CNTN4: variants seen among roughly 807,000 people sequenced by gnomAD.
The protein encoded by CNTN4 is contactin-4.
Under a neutral mutation model 122.5 loss-of-function variants are expected in CNTN4, and 77 were observed. The ratio of observed to expected loss-of-function variants is 0.63; its 90% CI spans 0.52 to 0.76. The LOEUF (loss-of-function observed/expected upper bound fraction) is 0.76, where lower values mean the gene tolerates loss of function less well. Among genes scored for constraint, CNTN4 ranks in the 30% least tolerant of loss-of-function variants. The pLI is 0.00. For missense variants in CNTN4, 1,256 were observed against 1,259.1 expected, an observed-to-expected ratio of 1.00 and a Z score of 0.04; for synonymous variants, 512 against 447.0, an observed-to-expected ratio of 1.15 and a Z score of -1.83.
intron 14 of CNTN4, among the ~76,000 whole-genome samples, chr3:3,025,313 A>G (rs1698635900): frequency 6.6e-6 from 1 of 152,212 alleles, no homozygotes; most frequent in Non-Finnish European, 1.5e-5. Context: ...GATGTTCATT[A>G]CAGCATTATT....
intron 4 of CNTN4, among the ~76,000 whole-genome samples, chr3:2,616,081 T>C (rs1298645281): frequency 6.6e-6 from 1 of 151,382 alleles, no homozygotes. Context: ...GTTTGTTACA[T>C]AGGTATATGT....
At chr3:2,935,073 C>T (rs950753241) in intron 13 of CNTN4, among the ~76,000 whole-genome samples, 1 of 151,022 alleles carries the variant, frequency 6.6e-6, no homozygotes, top group African/African-American at 2.5e-5. Context: ...AATCCACAGG[C>T]CCAGTCCTCT....
At chr3:2,939,314 T>A (rs993148710) in intron 13 of CNTN4, among the ~76,000 whole-genome samples, 13 of 152,078 alleles carry the variant, frequency 8.5e-5, no homozygotes, top group African/African-American at 3.1e-4. Context: ...GGTTGCCTGA[T>A]GAGAAATCCA....
intron 2 of CNTN4, among the ~76,000 whole-genome samples, chr3:2,185,340 A>G (rs370972234): frequency 6.6e-6 from 1 of 152,082 alleles, no homozygotes; most frequent in Non-Finnish European, 1.5e-5. Flanking sequence ...CTAGTGTGTA[A>G]AGTCCCCAAC....
At chr3:2,600,723 G>A (rs2081005193) in intron 4 of CNTN4, among the ~76,000 whole-genome samples, 1 of 152,132 alleles carries the variant, frequency 6.6e-6, no homozygotes, top group Admixed American at 6.5e-5. Context: ...CCCAGTAATG[G>A]GATGGCTGGG....
intron 6 of CNTN4, among the ~76,000 whole-genome samples, chr3:2,800,160 A>T (rs2092313719): frequency 6.7e-6 from 1 of 149,480 alleles, no homozygotes; most frequent in African/African-American, 2.5e-5. Flanking sequence ...TAATTTTAAG[A>T]TTTAAAAAAA....
At chr3:2,334,037 A>G (rs2043841905) in intron 2 of CNTN4, among the ~76,000 whole-genome samples, 1 of 152,224 alleles carries the variant, frequency 6.6e-6, no homozygotes, top group Admixed American at 6.5e-5. Context: ...GAATACGGAC[A>G]GTTGTTAAAT....
chr3:2,113,234 A>T (rs906093954), intron 2 of CNTN4, among the ~76,000 whole-genome samples: 5 of 152,094 alleles, frequency 3.3e-5, no homozygotes, highest in African/African-American at 1.2e-4. Context: ...ATCAATAGGG[A>T]CTATTTGAGT....
intron 8 of CNTN4, among the ~76,000 whole-genome samples, chr3:2,868,307 A>G (rs1254459623): frequency 6.6e-6 from 1 of 152,180 alleles, no homozygotes; most frequent in Non-Finnish European, 1.5e-5. Context: ...TAATGGCTCC[A>G]AGATTTCCAC....
At chr3:2,211,546 C>T (rs1349959406) in intron 2 of CNTN4, among the ~76,000 whole-genome samples, 2 of 151,966 alleles carry the variant, frequency 1.3e-5, no homozygotes, top group African/African-American at 4.8e-5. Context: ...ATAATAAACC[C>T]CTTTTAAAAA....
At chr3:2,372,475 A>T (rs894933849) in intron 3 of CNTN4, among the ~76,000 whole-genome samples, 1 of 152,222 alleles carries the variant, frequency 6.6e-6, no homozygotes, top group Non-Finnish European at 1.5e-5. Context: ...CCATATGGGA[A>T]GTATACACAT....
chr3:2,969,484 TG>T (rs1163168554), intron 13 of CNTN4, among the ~76,000 whole-genome samples: 1 of 151,242 alleles, frequency 6.6e-6, no homozygotes, highest in Admixed American at 6.6e-5. Context: ...GGTCTGAAAG[TG>T]GGGAGACATG....
At chr3:2,124,468 AC>A (rs2034006645) in intron 2 of CNTN4, among the ~76,000 whole-genome samples, 1 of 147,316 alleles carries the variant, frequency 6.8e-6, no homozygotes, top group African/African-American at 2.5e-5. Flanking sequence ...ACACACACAC[AC>A]ACACCCCCTT....
intron 4 of CNTN4, among the ~76,000 whole-genome samples, chr3:2,671,826 C>G (rs927547145): frequency 6.6e-6 from 1 of 152,204 alleles, no homozygotes; most frequent in African/African-American, 2.4e-5. Flanking sequence ...AGCAAGGACC[C>G]TCAGCTGCAG....
chr3:2,129,236 G>T (rs1574897041), intron 2 of CNTN4, among the ~76,000 whole-genome samples: 1 of 105,166 alleles, frequency 9.5e-6, no homozygotes, highest in East Asian at 3.1e-4. Context: ...AGATCCCATA[G>T]AACATTGCAA....
At chr3:2,871,169 C>T (rs2093779947) in intron 8 of CNTN4, among the ~76,000 whole-genome samples, 1 of 152,146 alleles carries the variant, frequency 6.6e-6, no homozygotes, top group Non-Finnish European at 1.5e-5. Context: ...TTGAATGTGT[C>T]AGTTTAACCT....
At chr3:2,874,982 TTTTG>T (rs1488186171) in intron 8 of CNTN4, among the ~76,000 whole-genome samples, 3 of 152,212 alleles carry the variant, frequency 2.0e-5, no homozygotes, top group African/African-American at 4.8e-5. Flanking sequence ...ATCCGTTTGT[TTTTG>T]TTTGTTTGTT....
chr3:2,102,062 AATGTGTTTTGGAG>A (rs1349173679), intron 2 of CNTN4, among the ~76,000 whole-genome samples: 1 of 152,208 alleles, frequency 6.6e-6, no homozygotes, highest in Non-Finnish European at 1.5e-5. Context: ...GTAAAGGATG[AATGTGTTTTGGAG>A]ATGTCATCTT....
At chr3:2,735,025 G>A (rs764487242) in intron 4 of CNTN4, among the ~76,000 whole-genome samples, 7 of 152,054 alleles carry the variant, frequency 4.6e-5, no homozygotes, top group East Asian at 1.9e-4. Flanking sequence ...ATTGATCACC[G>A]TGTGTTATAT....
Sources: allele counts gnomAD v4.1 joint callset (sites outside exome capture counted in the v4.1 genomes callset), GRCh38; gene constraint gnomAD v4.1.1; transcripts MANE v1.5; gene names NCBI Gene and HGNC (gene_info 2026-07-23, HGNC 2026-07-21).